Variants in RYR3 observed in about 807,000 individuals in gnomAD.
The protein encoded by RYR3 is ryanodine receptor 3.
A neutral mutation model predicts 584.3 loss-of-function variants in RYR3; 207 were observed. That is an observed-to-expected ratio of 0.35 (90% CI 0.32 to 0.40). The LOEUF is 0.40. Ranked by LOEUF, RYR3 falls within the 10% of genes least tolerant of loss-of-function variation. The pLI is 1.00. For synonymous variants in RYR3, 2,416 were observed against 2,248.5 expected (o/e 1.07, Z -2.11); for missense variants, 5,616 against 6,089.2 (o/e 0.92, Z 2.59).
chr15:33,482,247 G>T (rs1467682113), intron 2 of RYR3, among the ~76,000 whole-genome samples: 1 of 152,016 alleles, frequency 6.6e-6, no homozygotes. Context: ...TCTTCTTGCA[G>T]CACTTTGAAG....
At chr15:33,519,076 G>T (rs2053766059) in intron 3 of RYR3, among the ~76,000 whole-genome samples, 1 of 152,176 alleles carries the variant, frequency 6.6e-6, no homozygotes, top group Non-Finnish European at 1.5e-5. Flanking sequence ...GCCATTAACT[G>T]CATCTTTTCC....
intron 1 of RYR3, among the ~76,000 whole-genome samples, chr15:33,382,244 G>A (rs2041240093): frequency 6.6e-6 from 1 of 150,960 alleles, no homozygotes; most frequent in African/African-American, 2.4e-5. Context: ...GCTGAATTTA[G>A]GTATTAAAAC....
chr15:33,531,330 TA>T lies in RYR3; in HGVS notation c.354+671del, dbSNP rs971649210. Reference sequence around the variant, plus strand: ...TTAAATATAATTTATTTATAATTTATAAAAAAATATAATTTTACAATATTTT... The same window carrying T: ...TTAAATATAATTTATTTATAATTTATAAAAAATATAATTTTACAATATTTT... On this transcript the variant is annotated intron_variant, in intron 4 of 103. Transcript: ENST00000634891. Among the ~76,000 whole-genome samples, 4 of 151,944 alleles carry T rather than the reference TA, an allele frequency of 2.6e-5. No individual in the cohort carries two copies. In the South Asian group the frequency reaches 6.2e-4, roughly 24 times the overall value.
intron 11 of RYR3, among the ~76,000 whole-genome samples, chr15:33,564,411 T>A (rs1595612720): frequency 6.6e-6 from 1 of 152,164 alleles, no homozygotes; most frequent in East Asian, 1.9e-4. Context: ...AAGTTGGAAT[T>A]GCCCTGGAAA....
chr15:33,652,646 A>G (rs1321840782), intron 31 of RYR3, 72 bp from the exon 32 acceptor site: 8 of 1,484,450 alleles, frequency 5.4e-6, no homozygotes. Flanking sequence ...TTCATTTTTC[A>G]TTTCATTCCT....
chr15:33,326,223 G>A (rs1023609919), intron 1 of RYR3, among the ~76,000 whole-genome samples: 2 of 152,278 alleles, frequency 1.3e-5, no homozygotes, highest in Non-Finnish European at 2.9e-5. Flanking sequence ...GATAGGAAAA[G>A]ACCCCTGGCA....
At chr15:33,829,459 A>G (rs1267528756) in intron 85 of RYR3, among the ~76,000 whole-genome samples, 3 of 152,186 alleles carry the variant, frequency 2.0e-5, no homozygotes, top group Non-Finnish European at 2.9e-5. Context: ...TCATTAAAAA[A>G]CATTGTGGGC....
At chr15:33,491,352 AAAC>A (rs2050947332) in intron 2 of RYR3, among the ~76,000 whole-genome samples, 1 of 152,266 alleles carries the variant, frequency 6.6e-6, no homozygotes, top group Non-Finnish European at 1.5e-5. Context: ...ATAGGCAGCC[AAAC>A]ATGGCTTTCA....
chr15:33,815,596 C>T (rs1273067745), intron 74 of RYR3, among the ~76,000 whole-genome samples: 2 of 152,164 alleles, frequency 1.3e-5, no homozygotes, highest in East Asian at 3.8e-4. Flanking sequence ...GAAGCATGAC[C>T]GTCCCTAACT....
At chr15:33,554,065 T>C (rs2056887462) in intron 10 of RYR3, among the ~76,000 whole-genome samples, 1 of 152,156 alleles carries the variant, frequency 6.6e-6, no homozygotes, top group South Asian at 2.1e-4. Flanking sequence ...TTCAGGCGAG[T>C]GTCAAGTGCT....
intron 20 of RYR3, among the ~76,000 whole-genome samples, chr15:33,627,481 G>A (rs2061052518): frequency 6.6e-6 from 1 of 152,186 alleles, no homozygotes; most frequent in Non-Finnish European, 1.5e-5. Context: ...GCTGAGGAAG[G>A]TGGGTGTGTG....
rs1267755665 is a variant in RYR3 at position 33,838,664 on chromosome 15, G to A, written c.12684G>A (p.Val4228=). The part of the protein sequence containing the change: ...GLVEGAKNIR[V]TKILGDMPDP... ...TAGAAGGGGCAAAGAACATCAGAGT[G>A]ACCAAGATCCTGGGTGACATGCCTG... The change falls in exon 89 of 104, where the codon GTG becomes GTA. Residue 4228 remains valine (V), a synonymous_variant. Transcript: ENST00000634891. 5.6e-6 allele frequency: 9 copies of A among 1,613,930 alleles called. 1 individual carries two copies. Among genetic ancestry groups the A allele is most frequent in the South Asian group, 2.2e-5 (2 of 91,054 alleles).
intron 1 of RYR3, among the ~76,000 whole-genome samples, chr15:33,391,579 T>C (rs1057295279): frequency 1.3e-5 from 2 of 150,688 alleles, no homozygotes; most frequent in African/African-American, 4.9e-5. Context: ...TGAGCCGAGA[T>C]TGTGCCACTG....
chr15:33,702,534 G>T (rs2152776396), intron 42 of RYR3, among the ~76,000 whole-genome samples: 1 of 152,316 alleles, frequency 6.6e-6, no homozygotes, highest in East Asian at 1.9e-4. Context: ...AGGTAGAGCA[G>T]ATCTGAGGAG....
intron 1 of RYR3, among the ~76,000 whole-genome samples, chr15:33,454,949 C>G (rs1041435240): frequency 6.6e-6 from 1 of 152,040 alleles, no homozygotes; most frequent in African/African-American, 2.4e-5. Flanking sequence ...GAGTTTTAAG[C>G]AATGTAGTGA....
chr15:33,813,651 T>C lies in RYR3; in HGVS notation c.10502+72T>C, dbSNP rs2076662087. ...TGGAGGTATCCTCCCACAGCTGTGCTCTCTCACTCTTAATCCAAGGAATAG... is the reference window on the plus strand; with the variant it reads ...TGGAGGTATCCTCCCACAGCTGTGCCCTCTCACTCTTAATCCAAGGAATAG... On this transcript the variant is annotated intron_variant, in intron 74 of 103. Coordinates refer to ENST00000634891, the MANE Select transcript of RYR3 (RefSeq NM_001036.6). 5 of 1,194,444 alleles carry C rather than the reference T, an allele frequency of 4.2e-6. No homozygotes were observed. The Middle Eastern group carries it at 6.4e-4, about 152-fold the overall frequency. The allele number at this position is 1,194,444 out of a possible 1,614,324, so 74.0% of individuals were successfully genotyped here.
intron 69 of RYR3, among the ~76,000 whole-genome samples, chr15:33,806,750 C>A (rs969328520): frequency 6.9e-6 from 1 of 144,404 alleles, no homozygotes; most frequent in Non-Finnish European, 1.5e-5. Context: ...AATAAATCTT[C>A]TTTTTTCCTT....
At chr15:33,354,320 C>T (rs961354035) in intron 1 of RYR3, among the ~76,000 whole-genome samples, 3 of 152,192 alleles carry the variant, frequency 2.0e-5, no homozygotes, top group African/African-American at 4.8e-5. Flanking sequence ...CTTTATTTCT[C>T]ACATTGGAAT....
chr15:33,312,900 G>A (rs1321882674), intron 1 of RYR3, among the ~76,000 whole-genome samples: 1 of 152,166 alleles, frequency 6.6e-6, no homozygotes, highest in Non-Finnish European at 1.5e-5. Context: ...TGTAGCCAAG[G>A]TTTACTATAG....
Sources: gnomAD v4.1 joint callset for allele counts (sites outside exome capture counted in the v4.1 genomes callset) on GRCh38, gnomAD v4.1.1 for gene constraint, MANE v1.5 for transcripts, NCBI Gene and HGNC (gene_info 2026-07-23, HGNC 2026-07-21) for gene names.